The following ABCG1 variants were observed in gnomAD, a reference collection of about 807,000 sequenced individuals.
ABCG1 encodes the protein ATP-binding cassette sub-family G member 1.
Under a neutral mutation model 69.2 loss-of-function variants are expected in ABCG1, and 29 were observed. That is an observed-to-expected ratio of 0.42 (90% CI 0.31 to 0.57). ABCG1 has a LOEUF of 0.57. Among genes scored for constraint, ABCG1 ranks in the 20% least tolerant of loss-of-function variants. The pLI is 0.15. For synonymous variants in ABCG1, 370 were observed against 374.8 expected, an observed-to-expected ratio of 0.99 and a Z score of 0.15; for missense variants, 718 against 898.1, an observed-to-expected ratio of 0.80 and a Z score of 2.56.
intron 2 of ABCG1, among the ~76,000 whole-genome samples, chr21:42,236,024 T>C (rs1303522501): frequency 6.6e-6 from 1 of 152,176 alleles, no homozygotes; most frequent in African/African-American, 2.4e-5. Context: ...GCTGGTTTTG[T>C]TTTTAGCTGA....
chr21:42,282,055 C>G (rs547902583), intron 5 of ABCG1, among the ~76,000 whole-genome samples: 2 of 152,338 alleles, frequency 1.3e-5, no homozygotes, highest in South Asian at 2.1e-4. Context: ...AGCCTCTGGG[C>G]AGTCTCTGTC....
chr21:42,202,088 T>C (rs2123459984), intron 2 of ABCG1, among the ~76,000 whole-genome samples: 1 of 152,306 alleles, frequency 6.6e-6, no homozygotes, highest in East Asian at 1.9e-4. Context: ...GTCATCTCCA[T>C]GCAGCAGCAG....
chr21:42,284,308 G>A (rs1324937772), intron 6 of ABCG1, among the ~76,000 whole-genome samples: 1 of 150,938 alleles, frequency 6.6e-6, no homozygotes. Context: ...CCTGGACTCT[G>A]GCAGCAAGGC....
At chr21:42,211,007 T>A (rs1200635966) in intron 2 of ABCG1, among the ~76,000 whole-genome samples, 1 of 150,844 alleles carries the variant, frequency 6.6e-6, no homozygotes, top group East Asian at 1.9e-4. Context: ...TTGCCCAGGC[T>A]GGAGTGCAGT....
At chr21:42,293,078 CCACA>C (rs752479973) in intron 13 of ABCG1, among the ~76,000 whole-genome samples, 1,130 of 35,664 alleles carry the variant, frequency 0.032, 2 homozygotes, top group Non-Finnish European at 0.034. Flanking sequence ...TACACACACA[CCACA>C]CACACTACAC....
intron 2 of ABCG1, among the ~76,000 whole-genome samples, chr21:42,206,563 G>A (rs1840593): frequency 0.38 from 57,011 of 151,774 alleles, 11,891 homozygotes; most frequent in African/African-American, 0.56. Context: ...ATTGATGAAT[G>A]GTGTTATTGA....
At chr21:42,255,455 T>G (rs2068287881) in intron 2 of ABCG1, among the ~76,000 whole-genome samples, 3 of 152,148 alleles carry the variant, frequency 2.0e-5, no homozygotes, top group Admixed American at 2.0e-4. Flanking sequence ...TGTGGGTGTG[T>G]GTGCATGCGC....
chr21:42,238,868 C>T (rs1601374028), intron 2 of ABCG1, among the ~76,000 whole-genome samples: 2 of 152,180 alleles, frequency 1.3e-5, no homozygotes, highest in Non-Finnish European at 2.9e-5. Flanking sequence ...GTGGGAGCCA[C>T]AGTCTCACAC....
chr21:42,291,467 G>A lies in ABCG1; in HGVS notation c.1495-31G>A. On this transcript the variant is annotated intron_variant, in intron 12 of 14. Transcript: ENST00000398449. The surrounding 1 kb of genome is among the most constrained non-coding windows in gnomAD (Gnocchi z 6.4). ...TGGCCTGCTGTGGTGGGAAGCGGCT[G>A]AGCCCGCGGCTGACGGGTCCTTGTT... 6.3e-7 allele frequency: 1 copy of A among 1,590,366 alleles called. No individual in the cohort carries two copies. The highest frequency in any genetic ancestry group is 8.6e-7 in the Non-Finnish European group (1 of 1,163,474).
At chr21:42,250,228 C>T (rs996985374) in intron 2 of ABCG1, among the ~76,000 whole-genome samples, 5 of 152,068 alleles carry the variant, frequency 3.3e-5, no homozygotes, top group African/African-American at 7.2e-5. Flanking sequence ...TTGACCTTCT[C>T]CTGGGGTGGC....
chr21:42,243,238 G>T (rs1436546842), intron 2 of ABCG1, among the ~76,000 whole-genome samples: 1 of 152,112 alleles, frequency 6.6e-6, no homozygotes, highest in Non-Finnish European at 1.5e-5. Flanking sequence ...TGAATGTGGG[G>T]AGCCCGTCGG....
chr21:42,250,004 CAA>C (rs1242043497), intron 2 of ABCG1, among the ~76,000 whole-genome samples: 7 of 84,258 alleles, frequency 8.3e-5, no homozygotes, highest in Non-Finnish European at 4.7e-5. Flanking sequence ...GATTCCATCT[CAA>C]AAAAAAAAAA....
chr21:42,283,713 A>AC (rs1491457810), intron 6 of ABCG1, among the ~76,000 whole-genome samples: 1 of 17,342 alleles, frequency 5.8e-5, no homozygotes, highest in Non-Finnish European at 1.1e-4. Context: ...GTTGTGAAGT[A>AC]CCACCCACCA....
chr21:42,273,452 CCCGCCCCACT>C lies in ABCG1; in HGVS notation c.537+25_537+34del. 6.2e-7 allele frequency: 1 copy of C among 1,610,570 alleles called. No homozygotes were observed. The highest frequency in any genetic ancestry group is 8.5e-7 in the Non-Finnish European group (1 of 1,178,088). On this transcript the variant is annotated intron_variant, in intron 4 of 14. Transcript: ENST00000398449. The surrounding 1 kb of genome is among the most constrained non-coding windows in gnomAD (Gnocchi z 5.3). ...GCCATGATGGTGAGCTCCGCCCTGC[CCCGCCCCACT>C]CCGCCCCTGCCGCCTGTCCCCAGCG...
intron 2 of ABCG1, among the ~76,000 whole-genome samples, chr21:42,234,951 C>T (rs1235222817): frequency 1.3e-5 from 2 of 152,072 alleles, no homozygotes; most frequent in Non-Finnish European, 2.9e-5. Context: ...GGGAGCGGCG[C>T]GATTGGCTGC....
At chr21:42,201,429 C>G in intron 1 of ABCG1, 1 of 486,202 alleles carries the variant, frequency 2.1e-6, no homozygotes, top group Non-Finnish European at 3.7e-6. Flanking sequence ...GCTTGCCGCT[C>G]ACCTCCTGCT....
At chr21:42,241,002 C>A (rs1569214547) in intron 2 of ABCG1, among the ~76,000 whole-genome samples, 1 of 152,268 alleles carries the variant, frequency 6.6e-6, no homozygotes, top group Admixed American at 6.5e-5. Context: ...AGGGCATGGG[C>A]AGACCCTCTG....
Position 42,288,515 on chromosome 21 carries a change from T to C in ABCG1, c.1224+203T>C, listed in dbSNP as rs2068992298. Among the ~76,000 whole-genome samples the C allele has an allele frequency of 6.6e-6, 1 of 152,226 alleles. No individual in the cohort carries two copies. Among genetic ancestry groups the C allele is most frequent in the Non-Finnish European group, 1.5e-5 (1 of 68,046 alleles). On this transcript the variant is annotated intron_variant, in intron 10 of 14. Coordinates refer to ENST00000398449, the MANE Select transcript of ABCG1 (RefSeq NM_016818.3). The surrounding 1 kb of genome is among the most constrained non-coding windows in gnomAD (Gnocchi z 4.8). Reference sequence around the variant, plus strand: ...TTGAGGCCAGGAGTTCAGACCAGCCTGGCCAACGTGGGGAAACCCCATCTC... The same window carrying C: ...TTGAGGCCAGGAGTTCAGACCAGCCCGGCCAACGTGGGGAAACCCCATCTC...
intron 2 of ABCG1, among the ~76,000 whole-genome samples, chr21:42,268,608 A>C (rs541044597): frequency 8.5e-5 from 13 of 152,304 alleles, no homozygotes; most frequent in African/African-American, 3.1e-4. Flanking sequence ...TTTTAAAAAA[A>C]AGAAAGAAAG....
Sources: gnomAD v4.1 joint callset for allele counts (sites outside exome capture counted in the v4.1 genomes callset) on GRCh38, gnomAD v4.1.1 for gene constraint, Gnocchi (gnomAD v3.1) non-coding constraint, MANE v1.5 for transcripts, NCBI Gene and HGNC (gene_info 2026-07-23, HGNC 2026-07-21) for gene names.